The following MYO10 variants were observed in gnomAD, a reference collection of about 807,000 sequenced individuals.
The protein encoded by MYO10 is unconventional myosin-X.
Under a neutral mutation model 257.3 loss-of-function variants are expected in MYO10, and 133 were observed. The ratio of observed to expected loss-of-function variants is 0.52; its 90% CI spans 0.45 to 0.60. The LOEUF (loss-of-function observed/expected upper bound fraction) is 0.60, where lower values mean the gene tolerates loss of function less well. MYO10 is among the 20% of genes least tolerant of loss of function. The pLI, the probability that MYO10 is intolerant of heterozygous loss-of-function variation, is 0.00. For missense variants in MYO10, 2,399 were observed against 2,635.7 expected, an observed-to-expected ratio of 0.91 and a Z score of 1.97; for synonymous variants, 1,104 against 1,028.6, an observed-to-expected ratio of 1.07 and a Z score of -1.40.
In MYO10 at chr5:16,818,303, G is replaced by T. The variant is rs985144840; in HGVS notation, c.121-136C>A. 13 of 706,838 alleles carry T rather than the reference G, an allele frequency of 1.8e-5. No individual in the cohort carries two copies. The South Asian group carries it at 3.3e-4, about 18-fold the overall frequency. 43.8% of individuals were successfully genotyped at this position (706,838 alleles called of 1,614,324 possible). On this transcript the variant is annotated intron_variant, in intron 2 of 40. Transcript: ENST00000513610. ...TAAATTGGACAATCAAAAATATATC[G>T]CAAAAATCTCTTTCATTTTATGTCA...
intron 1 of MYO10, among the ~76,000 whole-genome samples, chr5:16,914,835 T>G (rs1745770836): frequency 6.6e-6 from 1 of 152,216 alleles, no homozygotes; most frequent in Admixed American, 6.5e-5. Flanking sequence ...ACACACAAGC[T>G]CTGGGGGAGC....
At chr5:16,879,906 G>T (rs1744710518) in intron 1 of MYO10, among the ~76,000 whole-genome samples, 1 of 152,188 alleles carries the variant, frequency 6.6e-6, no homozygotes, top group South Asian at 2.1e-4. Context: ...GGCCGGACGT[G>T]GTGGCTCACG....
At chr5:16,791,923 A>C (rs1741769959) in intron 4 of MYO10, among the ~76,000 whole-genome samples, 1 of 152,168 alleles carries the variant, frequency 6.6e-6, no homozygotes, top group Non-Finnish European at 1.5e-5. Flanking sequence ...TTCTATATTA[A>C]GCAGCCGCTT....
chr5:16,711,732 G>A (rs1184547933), intron 19 of MYO10, among the ~76,000 whole-genome samples: 3 of 151,426 alleles, frequency 2.0e-5, no homozygotes, highest in Admixed American at 6.6e-5. Flanking sequence ...CAGTGATGGC[G>A]CCACTGCACT....
intron 2 of MYO10, among the ~76,000 whole-genome samples, chr5:16,840,214 A>G (rs1743435426): frequency 6.6e-6 from 1 of 152,112 alleles, no homozygotes; most frequent in African/African-American, 2.4e-5. Flanking sequence ...GAGGTTCGAG[A>G]CCAGCCTGAA....
chr5:16,750,288 T>C (rs1740343125), intron 19 of MYO10, among the ~76,000 whole-genome samples: 1 of 151,766 alleles, frequency 6.6e-6, no homozygotes, highest in African/African-American at 2.4e-5. Flanking sequence ...AGGCTGTTTA[T>C]AGAAAAAGAA....
At position 16,850,960 on chromosome 5, in the gene MYO10, C is replaced by A. The variant is rs1186281460; in HGVS notation, c.120+26649G>T. On this transcript the variant is annotated intron_variant, in intron 2 of 40. Transcript: ENST00000513610. ...CAGGCATGCACCACCATGCCCAGCTCATTTTTGTATTTTTTCTTTTTTAGT... is the reference window on the plus strand; with the variant it reads ...CAGGCATGCACCACCATGCCCAGCTAATTTTTGTATTTTTTCTTTTTTAGT... Among the ~76,000 whole-genome samples, 4 of 151,934 alleles carry A rather than the reference C, an allele frequency of 2.6e-5. No homozygotes were observed. In the East Asian group the frequency reaches 7.7e-4, roughly 29 times the overall value.
At chr5:16,906,433 C>T (rs1269529285) in intron 1 of MYO10, among the ~76,000 whole-genome samples, 1 of 152,176 alleles carries the variant, frequency 6.6e-6, no homozygotes, top group African/African-American at 2.4e-5. Context: ...CTAGGTGTCA[C>T]AAGCAAAAAT....
intron 1 of MYO10, among the ~76,000 whole-genome samples, chr5:16,897,929 C>G (rs1745260591): frequency 6.6e-6 from 1 of 152,228 alleles, no homozygotes; most frequent in African/African-American, 2.4e-5. Context: ...GAGTGTTACT[C>G]AAACTCTGCG....
chr5:16,879,765 T>A (rs2126763933), intron 1 of MYO10, among the ~76,000 whole-genome samples: 1 of 152,338 alleles, frequency 6.6e-6, no homozygotes, highest in African/African-American at 2.4e-5. Context: ...AATGGCCTGT[T>A]ATCACACGTA....
intron 39 of MYO10, 56 bp from the exon 40 acceptor site, chr5:16,668,524 G>A (rs1483917450): frequency 2.1e-6 from 3 of 1,439,726 alleles, no homozygotes; most frequent in African/African-American, 1.4e-5. Flanking sequence ...GCAACAGAAA[G>A]CATCTAAACC....
intron 19 of MYO10, among the ~76,000 whole-genome samples, chr5:16,718,168 T>C (rs1280913543): frequency 3.3e-5 from 5 of 152,332 alleles, no homozygotes; most frequent in African/African-American, 7.2e-5. Context: ...TGTTTCTCGC[T>C]GGGCCTTAGC....
At chr5:16,911,293 G>C (rs1403129651) in intron 1 of MYO10, among the ~76,000 whole-genome samples, 1 of 152,152 alleles carries the variant, frequency 6.6e-6, no homozygotes, top group Non-Finnish European at 1.5e-5. Context: ...CCAACCCAAA[G>C]GAAAACATAA....
intron 17 of MYO10, among the ~76,000 whole-genome samples, chr5:16,758,624 T>C (rs2126646834): frequency 6.6e-6 from 1 of 152,320 alleles, no homozygotes; most frequent in Non-Finnish European, 1.5e-5. Flanking sequence ...AAGGTGCTCC[T>C]GGGGAACACT....
intron 26 of MYO10, among the ~76,000 whole-genome samples, chr5:16,697,648 C>T (rs1258844872): frequency 4.0e-5 from 6 of 149,730 alleles, no homozygotes; most frequent in South Asian, 4.2e-4. Context: ...CAGTGAGCCA[C>T]GACTGTGCCA....
chr5:16,781,916 C>A (rs1741436236), intron 5 of MYO10, 87 bp from the exon 6 acceptor site: 1 of 1,477,100 alleles, frequency 6.8e-7, no homozygotes. Context: ...TCAAAATATA[C>A]AACTGCAAGA....
At chr5:16,905,538 C>A (rs1489842741) in intron 1 of MYO10, among the ~76,000 whole-genome samples, 1 of 152,026 alleles carries the variant, frequency 6.6e-6, no homozygotes, top group Non-Finnish European at 1.5e-5. Flanking sequence ...GGAACAGCCA[C>A]CAGCCAGCCA....
At position 16,686,687 on chromosome 5, in the gene MYO10, G is replaced by A. The variant is rs374180249; in HGVS notation, c.3897-856C>T. 1.1e-3 allele frequency among the ~76,000 whole-genome samples: 172 copies of A among 151,392 alleles called. 2 individuals carry two copies. The highest frequency in any genetic ancestry group is 3.9e-3 in the African/African-American group (160 of 41,452). On this transcript the variant is annotated intron_variant, in intron 28 of 40. Coordinates refer to ENST00000513610, the MANE Select transcript of MYO10 (RefSeq NM_012334.3). The stretch of plus-strand genomic sequence containing the variant: ...GTAGCTGGGACACACCACCATGCCC[G>A]GCTAATTTTTGGTATTTTCAGTAGA...
At chr5:16,758,553 A>C (rs1342673811) in intron 17 of MYO10, among the ~76,000 whole-genome samples, 1 of 152,128 alleles carries the variant, frequency 6.6e-6, no homozygotes, top group Non-Finnish European at 1.5e-5. Flanking sequence ...CACTTGCAAA[A>C]GTGAGTTATT....
Sources: gnomAD v4.1 joint callset for allele counts (sites outside exome capture counted in the v4.1 genomes callset) on GRCh38, gnomAD v4.1.1 for gene constraint, MANE v1.5 for transcripts, NCBI Gene and HGNC (gene_info 2026-07-23, HGNC 2026-07-21) for gene names.